Variants in BDP1 observed in about 807,000 individuals in gnomAD.
BDP1 encodes transcription factor TFIIIB component B'' homolog.
Under a neutral mutation model 266.6 loss-of-function variants are expected in BDP1, and 169 were observed. The ratio of observed to expected loss-of-function variants is 0.63; its 90% CI spans 0.56 to 0.72. The LOEUF is 0.72. BDP1 is among the 30% of genes least tolerant of loss of function. The pLI, the probability that BDP1 is intolerant of heterozygous loss-of-function variation, is 0.00. For missense variants in BDP1, 3,015 were observed against 3,053.8 expected, an observed-to-expected ratio of 0.99 and a Z score of 0.30; for synonymous variants, 1,090 against 1,022.4, an observed-to-expected ratio of 1.07 and a Z score of -1.26.
At chr5:71,492,914 T>C (rs1263150010) in intron 11 of BDP1, among the ~76,000 whole-genome samples, 1 of 152,220 alleles carries the variant, frequency 6.6e-6, no homozygotes, top group African/African-American at 2.4e-5. Context: ...AGCTATTTTA[T>C]CACTGGAAAC....
At chr5:71,574,534 T>C in the BDP1 span, among the ~76,000 whole-genome samples, 2 of 152,184 alleles carry the variant, frequency 1.3e-5, no homozygotes, top group Non-Finnish European at 2.9e-5. Context: ...AGAATCATGT[T>C]AGTTGGGGGA....
rs139520540 is a variant in BDP1 at position 71,508,523 on chromosome 5, A to T, written c.2373-942A>T. Among the ~76,000 whole-genome samples, 13 of 151,884 alleles carry T rather than the reference A, an allele frequency of 8.6e-5. No individual in the cohort carries two copies. The East Asian group carries it at 2.3e-3, about 27-fold the overall frequency. ...TTTCTACCAAAAACTCATGGGCTCA[A>T]GCCATCTGCTTCAGCCTCCTGAAGT... is the stretch of plus-strand genomic sequence containing the variant. On this transcript the variant is annotated intron_variant, in intron 16 of 38. Transcript: ENST00000358731.
chr5:71,512,503 A>G, intron 18 of BDP1, 75 bp downstream of exon 18: 1 of 993,826 alleles, frequency 1.0e-6, no homozygotes, highest in Non-Finnish European at 1.5e-6. Context: ...AGGTTTCAAG[A>G]TATAACATAT....
Position 71,547,579 on chromosome 5 carries a change from C to T in BDP1, c.6745-1103C>T, listed in dbSNP as rs114902415. On this transcript the variant is annotated intron_variant, in intron 32 of 38. Transcript: ENST00000358731. Reference sequence around the variant, plus strand: ...ATGAGACCAACGCAGCAAGCTGTTACCCTGTAGTTTTAATATCCACTGATG... The same window carrying T: ...ATGAGACCAACGCAGCAAGCTGTTATCCTGTAGTTTTAATATCCACTGATG... Among the ~76,000 whole-genome samples the T allele has an allele frequency of 2.5e-3, 379 of 152,276 alleles. 2 individuals carry two copies. Among genetic ancestry groups the T allele is most frequent in the African/African-American group, 8.2e-3 (339 of 41,556 alleles).
chr5:71,565,007 T>A lies in BDP1; in HGVS notation c.*122T>A. 1.1e-6 allele frequency: 1 copy of A among 870,734 alleles called. No individual in the cohort carries two copies. The highest frequency in any genetic ancestry group is 2.1e-5 in the South Asian group (1 of 47,744). 53.9% of individuals were successfully genotyped at this position (870,734 alleles called of 1,614,324 possible). A position where few individuals can be genotyped will look rare whatever the true frequency, so the allele number is the denominator to read the frequency against. Reference sequence around the variant, plus strand: ...TATTTTTCTTTAGGTTGATTTTGAATACTTAATGAGCTTGATTTGAAGCTT... The same window carrying A: ...TATTTTTCTTTAGGTTGATTTTGAAAACTTAATGAGCTTGATTTGAAGCTT... On this transcript the variant is annotated 3_prime_UTR_variant, in exon 39 of 39. Coordinates refer to ENST00000358731, the MANE Select transcript of BDP1 (RefSeq NM_018429.3).
At chr5:71,558,086 C>T (rs1185943206) in intron 36 of BDP1, among the ~76,000 whole-genome samples, 1 of 152,152 alleles carries the variant, frequency 6.6e-6, no homozygotes, top group Non-Finnish European at 1.5e-5. Context: ...TTTCTCTTTT[C>T]TCTCAAAGTT....
intron 22 of BDP1, among the ~76,000 whole-genome samples, chr5:71,521,516 TC>T (rs1415707760): frequency 6.6e-6 from 1 of 152,006 alleles, no homozygotes; most frequent in Non-Finnish European, 1.5e-5. Context: ...GGTCTCAAAC[TC>T]CCGACCTCAG....
chr5:71,497,973 G>A lies in BDP1; in HGVS notation c.1956+547G>A, dbSNP rs1455944107. On this transcript the variant is annotated intron_variant, in intron 13 of 38. Coordinates refer to ENST00000358731, the MANE Select transcript of BDP1 (RefSeq NM_018429.3). Reference sequence around the variant, plus strand: ...CCAGATAATTTTTTTTTTTTTTTGAGACGGAGTCTCACTGTCTCCCAGGCT... The same window carrying A: ...CCAGATAATTTTTTTTTTTTTTTGAAACGGAGTCTCACTGTCTCCCAGGCT... Among the ~76,000 whole-genome samples, 4 of 149,866 alleles carry A rather than the reference G, an allele frequency of 2.7e-5. 1 individual carries two copies. Among genetic ancestry groups the A allele is most frequent in the African/African-American group, 9.8e-5 (4 of 40,760 alleles).
chr5:71,478,956 A>G (rs1762765375), intron 7 of BDP1, among the ~76,000 whole-genome samples: 2 of 152,024 alleles, frequency 1.3e-5, no homozygotes, highest in Admixed American at 6.6e-5. Flanking sequence ...TTTGTCTTCA[A>G]TCTGCTGTTA....
chr5:71,458,602 A>G lies in BDP1; in HGVS notation c.236A>G (p.Asn79Ser), dbSNP rs771893978. The change falls in exon 2 of 39, where the codon AAT (asparagine) becomes AGT (serine). Residue 79 changes from asparagine (N) to serine (S), a missense_variant. Transcript: ENST00000358731. ...AGTACTGAAAAGACTGGTGGTGACA[A>G]TGATGTTGAAGAATCCAGTAGATCT... is the stretch of plus-strand genomic sequence containing the variant. ...RSSTEKTGGDNDVEESSRSSS... is the reference protein window; with the variant it reads ...RSSTEKTGGDSDVEESSRSSS... 8.7e-6 allele frequency: 14 copies of G among 1,612,788 alleles called. No homozygotes were observed. Among genetic ancestry groups the G allele is most frequent in the Non-Finnish European group, 1.2e-5 (14 of 1,179,232 alleles).
At chr5:71,574,770 T>C in the BDP1 span, among the ~76,000 whole-genome samples, 93 of 152,290 alleles carry the variant, frequency 6.1e-4, no homozygotes, top group Middle Eastern at 0.01. Context: ...TCCCTGCAAA[T>C]TACACCCTTC....
At chr5:71,544,190 T>C (rs529175770) in intron 30 of BDP1, among the ~76,000 whole-genome samples, 167 bp from the exon 31 acceptor site, 27 of 152,384 alleles carry the variant, frequency 1.8e-4, no homozygotes, top group African/African-American at 5.8e-4. Flanking sequence ...TTCAAAAATC[T>C]ATTAGCTAGG....
At chr5:71,506,823 A>ACACACACACACACACACACACACC (rs377599570) in intron 16 of BDP1, among the ~76,000 whole-genome samples, 6 of 141,804 alleles carry the variant, frequency 4.2e-5, no homozygotes, top group Admixed American at 1.4e-4. Context: ...ACACACACAC[A>ACACACACACACACACACACACACC]CCCATATTTT....
At chr5:71,571,000 C>A (rs1166625154), downstream of BDP1, among the ~76,000 whole-genome samples, 1 of 152,050 alleles carries the variant, frequency 6.6e-6, no homozygotes, top group Non-Finnish European at 1.5e-5. Context: ...AATAACAATA[C>A]AACTATAACA....
chr5:71,535,357 A>G (rs1456555021), intron 26 of BDP1, among the ~76,000 whole-genome samples: 1 of 151,988 alleles, frequency 6.6e-6, no homozygotes, highest in Non-Finnish European at 1.5e-5. Context: ...AGCGCCCGCC[A>G]CCACATCCAA....
At chr5:71,576,631 T>TGG in the BDP1 span, among the ~76,000 whole-genome samples, 12 of 152,304 alleles carry the variant, frequency 7.9e-5, no homozygotes, top group Middle Eastern at 0.014. Context: ...CTATGTTAAC[T>TGG]GGAGACATTG....
chr5:71,530,534 G>A lies in BDP1; in HGVS notation c.5773-1774G>A, dbSNP rs986434593. Reference sequence around the variant, plus strand: ...GCTGGGATTACAGGCATGAGCTACCGTGCCTGGCCTATTGTTTTTAAATTC... The same window carrying A: ...GCTGGGATTACAGGCATGAGCTACCATGCCTGGCCTATTGTTTTTAAATTC... On this transcript the variant is annotated intron_variant, in intron 25 of 38. Coordinates refer to ENST00000358731, the MANE Select transcript of BDP1 (RefSeq NM_018429.3). 4.0e-5 allele frequency among the ~76,000 whole-genome samples: 6 copies of A among 151,766 alleles called. No individual in the cohort carries two copies. In the South Asian group the frequency reaches 1.2e-3, roughly 32 times the overall value.
chr5:71,494,125 G>A (rs1476657930), intron 11 of BDP1, among the ~76,000 whole-genome samples: 1 of 151,940 alleles, frequency 6.6e-6, no homozygotes, highest in Non-Finnish European at 1.5e-5. Context: ...CCTCCATAAA[G>A]AAAATAAAAG....
At chr5:71,456,194 C>T in intron 1 of BDP1, 105 bp downstream of exon 1, 2 of 1,119,760 alleles carry the variant, frequency 1.8e-6, no homozygotes, top group Non-Finnish European at 2.5e-6. Context: ...CTCTCGTTTG[C>T]AGTAAGCCTT....
Sources: allele counts gnomAD v4.1 joint callset (sites outside exome capture counted in the v4.1 genomes callset), GRCh38; gene constraint gnomAD v4.1.1; transcripts MANE v1.5; gene names NCBI Gene and HGNC (gene_info 2026-07-23, HGNC 2026-07-21).